NREP: variants seen among roughly 807,000 people sequenced by gnomAD.
NREP encodes the protein neuronal regeneration-related protein.
In NREP, 5 loss-of-function variants were observed where a neutral mutation model predicts 8.6. The ratio of observed to expected loss-of-function variants is 0.58; its 90% CI spans 0.30 to 1.22. The LOEUF is 1.22. Among genes scored for constraint, NREP ranks in the 50% most tolerant of loss-of-function variants. The pLI is 0.07. For synonymous variants in NREP, 27 were observed against 28.0 expected, an observed-to-expected ratio of 0.96 and a Z score of 0.11; for missense variants, 86 against 82.5, an observed-to-expected ratio of 1.04 and a Z score of -0.17.
chr5:111,838,089 C>A (rs1189590884), intron 2 of NREP, among the ~76,000 whole-genome samples: 1 of 151,876 alleles, frequency 6.6e-6, no homozygotes, highest in East Asian at 1.9e-4. Context: ...TTTCTAGTAG[C>A]CACATTTAAA....
intron 2 of NREP, among the ~76,000 whole-genome samples, chr5:111,900,018 A>T (rs1754604515): frequency 6.6e-6 from 1 of 152,288 alleles, no homozygotes; most frequent in African/African-American, 2.4e-5. Context: ...CACATGGAGC[A>T]TTCTGTAGGA....
chr5:111,769,137 T>A (rs964957069), intron 2 of NREP, among the ~76,000 whole-genome samples: 6 of 152,212 alleles, frequency 3.9e-5, no homozygotes, highest in African/African-American at 1.4e-4. Flanking sequence ...ATGGGATACA[T>A]CAAGCATCAG....
rs569346276 is a variant in NREP at position 111,907,741 on chromosome 5, T to C, written c.135+67533A>G. Among the ~76,000 whole-genome samples, 8 of 152,176 alleles carry C rather than the reference T, an allele frequency of 5.3e-5. No individual in the cohort carries two copies. The South Asian group carries it at 1.7e-3, about 32-fold the overall frequency. Reference sequence around the variant, plus strand: ...CTCAAGACTATATTTGCTCACTTTATCTACCTTTTTTTCACCTAGAAAACT... The same window carrying C: ...CTCAAGACTATATTTGCTCACTTTACCTACCTTTTTTTCACCTAGAAAACT... On this transcript the variant is annotated intron_variant, in intron 2 of 3. Coordinates refer to the NREP transcript ENST00000395634.
chr5:111,899,205 A>C (rs1200404490), intron 2 of NREP, among the ~76,000 whole-genome samples: 1 of 152,204 alleles, frequency 6.6e-6, no homozygotes, highest in Admixed American at 6.5e-5. Context: ...GTCAAATTTT[A>C]TTGCTACAAA....
At chr5:111,750,678 C>T (rs2112839318) in intron 2 of NREP, among the ~76,000 whole-genome samples, 1 of 152,348 alleles carries the variant, frequency 6.6e-6, no homozygotes, top group South Asian at 2.1e-4. Context: ...CTGCACATCA[C>T]AGAATCACAG....
At chr5:111,735,906 G>T (rs1342998218) in intron 2 of NREP, among the ~76,000 whole-genome samples, 1 of 152,164 alleles carries the variant, frequency 6.6e-6, no homozygotes, top group Non-Finnish European at 1.5e-5. Context: ...TTATTAGAAG[G>T]CCAAAGATTA....
intron 2 of NREP, among the ~76,000 whole-genome samples, chr5:111,949,353 G>C (rs1326391935): frequency 7.7e-6 from 1 of 129,382 alleles, no homozygotes; most frequent in African/African-American, 2.8e-5. Context: ...AAAATTAAAA[G>C]CCCTAGGGAT....
At chr5:111,885,150 C>CA (rs1166760031) in intron 2 of NREP, among the ~76,000 whole-genome samples, 8 of 151,726 alleles carry the variant, frequency 5.3e-5, no homozygotes, top group Non-Finnish European at 7.4e-5. Flanking sequence ...AATCAATGTG[C>CA]AAAAATCACA....
chr5:111,755,106 CTTCT>C (rs1349700213), intron 2 of NREP, among the ~76,000 whole-genome samples: 2 of 151,904 alleles, frequency 1.3e-5, no homozygotes, highest in Admixed American at 6.6e-5. Context: ...ATGTGTATTC[CTTCT>C]GTTTCCTTAA....
intron 2 of NREP, among the ~76,000 whole-genome samples, chr5:111,952,012 C>A (rs1311851961): frequency 6.6e-6 from 1 of 152,058 alleles, no homozygotes; most frequent in Non-Finnish European, 1.5e-5. Flanking sequence ...ACACTCCTGT[C>A]CCAGGCAACT....
intron 2 of NREP, among the ~76,000 whole-genome samples, chr5:111,879,264 GT>G (rs1017296989): frequency 6.6e-6 from 1 of 152,176 alleles, no homozygotes; most frequent in Non-Finnish European, 1.5e-5. Flanking sequence ...AACACATCTA[GT>G]TTTTTGAAGG....
At chr5:111,775,308 A>G (rs1487249694) in intron 2 of NREP, among the ~76,000 whole-genome samples, 1 of 151,142 alleles carries the variant, frequency 6.6e-6, no homozygotes, top group African/African-American at 2.5e-5. Flanking sequence ...AAAATGACCA[A>G]ATCTTTAGGG....
intron 2 of NREP, among the ~76,000 whole-genome samples, chr5:111,798,436 G>A (rs1331129401): frequency 2.0e-5 from 3 of 151,758 alleles, no homozygotes; most frequent in African/African-American, 7.3e-5. Flanking sequence ...TTCTTTAGTG[G>A]TGATCTCTGA....
chr5:111,801,130 G>T (rs766793843), intron 2 of NREP, among the ~76,000 whole-genome samples: 1 of 152,184 alleles, frequency 6.6e-6, no homozygotes, highest in South Asian at 2.1e-4. Context: ...AGCTATCAAA[G>T]AAAGTATTTA....
At chr5:111,886,033 G>A (rs1754236953) in intron 2 of NREP, among the ~76,000 whole-genome samples, 1 of 152,150 alleles carries the variant, frequency 6.6e-6, no homozygotes, top group South Asian at 2.1e-4. Flanking sequence ...GAGTGAACAG[G>A]CAGCCTCCAA....
intron 2 of NREP, among the ~76,000 whole-genome samples, chr5:111,967,508 A>G (rs913768570): frequency 6.6e-6 from 1 of 152,158 alleles, no homozygotes; most frequent in Non-Finnish European, 1.5e-5. Flanking sequence ...CCTGACACCA[A>G]GCTAGTCCAT....
intron 2 of NREP, chr5:111,738,895 GAC>G (rs2112805777): frequency 6.6e-6 from 1 of 152,274 alleles, no homozygotes; most frequent in South Asian, 2.1e-4. Flanking sequence ...AAGAGATTAG[GAC>G]ACAGATACAC....
At position 111,748,976 on chromosome 5, in the gene NREP, T is replaced by C. The variant is rs983551864; in HGVS notation, c.3+6794A>G. On this transcript the variant is annotated intron_variant, in intron 2 of 3. Coordinates refer to ENST00000257435, the MANE Select transcript of NREP (RefSeq NM_004772.4). ...TGTACTATGGTGTTTCATAGAGGAG[T>C]TGCCATTCAAATTCAGTCTTGAAGA... Among the ~76,000 whole-genome samples the C allele has an allele frequency of 3.3e-5, 5 of 151,832 alleles. No individual in the cohort carries two copies. In the South Asian group the frequency reaches 6.2e-4, roughly 19 times the overall value.
intron 2 of NREP, among the ~76,000 whole-genome samples, chr5:111,955,319 TA>T (rs1297173727): frequency 6.6e-6 from 1 of 152,026 alleles, no homozygotes; most frequent in African/African-American, 2.4e-5. Flanking sequence ...AGAAATTTTA[TA>T]AAAATTCACA....
Sources: gnomAD v4.1 joint callset for allele counts (sites outside exome capture counted in the v4.1 genomes callset) on GRCh38, gnomAD v4.1.1 for gene constraint, MANE v1.5 for transcripts, NCBI Gene and HGNC (gene_info 2026-07-23, HGNC 2026-07-21) for gene names.